THOC2: variants seen among roughly 807,000 people sequenced by gnomAD.
The protein encoded by THOC2 is THO complex subunit 2.
In THOC2, 10 loss-of-function variants were observed where a neutral mutation model predicts 128.4. The ratio of observed to expected loss-of-function variants is 0.08; its 90% CI spans 0.05 to 0.13. The LOEUF (loss-of-function observed/expected upper bound fraction) is 0.13. THOC2 is among the 10% of genes least tolerant of loss of function. The probability of loss-of-function intolerance (pLI) is 1.00; values close to 1 mark genes in which losing one functional copy is unlikely to be tolerated. For synonymous variants in THOC2, 393 were observed against 396.9 expected (o/e 0.99, Z 0.12); for missense variants, 535 against 1,155.7 (o/e 0.46, Z 7.79).
chrX:123,664,675 T>C (rs1262601067), intron 12 of THOC2, among the ~76,000 whole-genome samples: 1 of 111,688 alleles, frequency 9.0e-6, no homozygotes, highest in Non-Finnish European at 1.9e-5. Flanking sequence ...CCAGTTAGAA[T>C]GGCGATCATT....
In THOC2 at chrX:123,661,273, C is replaced by T. The variant is rs759340158; in HGVS notation, c.1386+4369G>A. Among the ~76,000 whole-genome samples, 283 of 110,868 alleles carry T rather than the reference C, an allele frequency of 2.6e-3. 2 individuals carry two copies. The highest frequency in any genetic ancestry group is 8.4e-3 in the African/African-American group (257 of 30,503). The stretch of plus-strand genomic sequence containing the variant: ...TACAAACATCAGTTGGGCGTGGTGG[C>T]GGGCACCTGTAATCCCAGCTACTCG... On this transcript the variant is annotated intron_variant, in intron 12 of 38. Transcript: ENST00000245838.
chrX:123,669,320 T>G (rs1195799139), intron 9 of THOC2, among the ~76,000 whole-genome samples: 1 of 109,843 alleles, frequency 9.1e-6, no homozygotes, highest in African/African-American at 3.3e-5. Context: ...GTTTTATTTT[T>G]TACTTTTTTT....
chrX:123,710,859 G>A (rs998970381), intron 2 of THOC2, among the ~76,000 whole-genome samples: 4 of 104,533 alleles, frequency 3.8e-5, no homozygotes, highest in African/African-American at 6.9e-5. Context: ...GCGTGGTGGC[G>A]GGCGCCTGTA....
intron 2 of THOC2, among the ~76,000 whole-genome samples, chrX:123,712,470 G>C (rs915105793): frequency 8.9e-6 from 1 of 111,770 alleles, no homozygotes; most frequent in Non-Finnish European, 1.9e-5. Flanking sequence ...ACCAGCTTTA[G>C]TAAAAACACT....
At chrX:123,712,325 G>A (rs531295577) in intron 2 of THOC2, among the ~76,000 whole-genome samples, 61 of 111,416 alleles carry the variant, frequency 5.5e-4, no homozygotes, top group Middle Eastern at 4.6e-3. Flanking sequence ...AAAGTTACTG[G>A]AAAATTATAA....
At chrX:123,622,982 T>C (rs2147595601) in intron 29 of THOC2, 122 bp from the exon 30 acceptor site, 1 of 850,228 alleles carries the variant, frequency 1.2e-6, no homozygotes, top group Non-Finnish European at 1.7e-6. Flanking sequence ...TTAACGCTTA[T>C]ATACTCCTAT....
chrX:123,657,125 T>A (rs1174333193), intron 12 of THOC2, among the ~76,000 whole-genome samples: 2 of 111,983 alleles, frequency 1.8e-5, no homozygotes, highest in Non-Finnish European at 3.8e-5. Flanking sequence ...CTTTGATGGC[T>A]TATTGGGAGA....
rs745355617 is a variant in THOC2, at chrX:123,646,200, G to A, written c.1387-825C>T. 4.5e-5 allele frequency among the ~76,000 whole-genome samples: 5 copies of A among 112,091 alleles called. No homozygotes were observed. In the South Asian group the frequency reaches 1.8e-3, roughly 41 times the overall value. On this transcript the variant is annotated intron_variant, in intron 12 of 38. Transcript: ENST00000245838. ...CATTACTAACAAAGACAAAACCATT[G>A]CTTAAATTGTACAGACTGAATGAAA... is the stretch of plus-strand genomic sequence containing the variant.
At chrX:123,673,802 C>T (rs2049376259) in intron 8 of THOC2, among the ~76,000 whole-genome samples, 1 of 112,114 alleles carries the variant, frequency 8.9e-6, no homozygotes, top group Non-Finnish European at 1.9e-5. Context: ...TCCTCAGACG[C>T]CTCACACTAC....
intron 12 of THOC2, among the ~76,000 whole-genome samples, chrX:123,662,769 G>C (rs2048891748): frequency 9.0e-6 from 1 of 110,902 alleles, no homozygotes; most frequent in Non-Finnish European, 1.9e-5. Flanking sequence ...ATAATAAAAA[G>C]ACAAATAACG....
chrX:123,619,216 G>A lies in THOC2; in HGVS notation c.4311+185C>T, dbSNP rs149682866. Among the ~76,000 whole-genome samples, 461 of 111,860 alleles carry A rather than the reference G, an allele frequency of 4.1e-3. 1 individual carries two copies. The highest frequency in any genetic ancestry group is 0.018 in the Middle Eastern group (4 of 218). On this transcript the variant is annotated intron_variant, in intron 33 of 38. Coordinates refer to ENST00000245838, the MANE Select transcript of THOC2 (RefSeq NM_001081550.2). Reference sequence around the variant, plus strand: ...CATTTTATAACAATCTCATTAAAAGGGACCACTGTCATCTGTTGTTTCAGT... The same window carrying A: ...CATTTTATAACAATCTCATTAAAAGAGACCACTGTCATCTGTTGTTTCAGT...
At chrX:123,730,190 T>G (rs931921834) in intron 1 of THOC2, among the ~76,000 whole-genome samples, 4 of 110,750 alleles carry the variant, frequency 3.6e-5, no homozygotes, top group South Asian at 3.7e-4. Flanking sequence ...TTGTTTTTTT[T>G]TTTTTTTTAA....
At chrX:123,728,224 A>G (rs894949500) in intron 1 of THOC2, among the ~76,000 whole-genome samples, 2 of 111,511 alleles carry the variant, frequency 1.8e-5, no homozygotes, top group African/African-American at 6.5e-5. Context: ...ATTTAAAAGA[A>G]AAGGAAACAG....
chrX:123,725,130 G>A (rs2051892591), intron 1 of THOC2, among the ~76,000 whole-genome samples: 1 of 104,367 alleles, frequency 9.6e-6, no homozygotes, highest in Non-Finnish European at 2.0e-5. Flanking sequence ...GAAAGAAAAT[G>A]TCATTTAGCT....
intron 38 of THOC2, chrX:123,603,688 AC>A: frequency 2.2e-6 from 1 of 453,851 alleles, no homozygotes; most frequent in South Asian, 3.8e-5. Context: ...TCTGAGAGTG[AC>A]GCACGGAGCT....
At chrX:123,659,587 A>T (rs1334028352) in intron 12 of THOC2, among the ~76,000 whole-genome samples, 1 of 112,210 alleles carries the variant, frequency 8.9e-6, no homozygotes, top group Non-Finnish European at 1.9e-5. Flanking sequence ...AACAAAAACA[A>T]AAACAAGTCC....
At chrX:123,717,804 A>G (rs2051496478) in intron 1 of THOC2, among the ~76,000 whole-genome samples, 1 of 111,590 alleles carries the variant, frequency 9.0e-6, no homozygotes, top group African/African-American at 3.3e-5. Context: ...TCCACGGGGG[A>G]TTGGTTCCAG....
chrX:123,716,886 A>AC (rs2051445959), intron 1 of THOC2, among the ~76,000 whole-genome samples: 1 of 109,827 alleles, frequency 9.1e-6, no homozygotes, highest in East Asian at 2.8e-4. Flanking sequence ...AGCCTGGGCG[A>AC]CAGAGCAAGA....
At chrX:123,715,381 A>G (rs1347023574) in intron 1 of THOC2, among the ~76,000 whole-genome samples, 2 of 110,665 alleles carry the variant, frequency 1.8e-5, no homozygotes, top group African/African-American at 6.6e-5. Flanking sequence ...ACCTAACTCA[A>G]AACTTCAAGG....
Sources: gnomAD v4.1 joint callset for allele counts (sites outside exome capture counted in the v4.1 genomes callset) on GRCh38, gnomAD v4.1.1 for gene constraint, MANE v1.5 for transcripts, NCBI Gene and HGNC (gene_info 2026-07-23, HGNC 2026-07-21) for gene names.